Variants in DLGAP2 observed in about 807,000 individuals in gnomAD.
The protein encoded by DLGAP2 is disks large-associated protein 2.
In DLGAP2, 26 loss-of-function variants were observed where a neutral mutation model predicts 100.3. The observed-to-expected ratio is 0.26, with a 90% CI of 0.19 to 0.36. The LOEUF (loss-of-function observed/expected upper bound fraction) is 0.36. DLGAP2 is among the 10% of genes least tolerant of loss of function. The pLI is 1.00. For missense variants in DLGAP2, 1,858 were observed against 1,453.2 expected (o/e 1.28, Z -4.53); for synonymous variants, 886 against 630.1 (o/e 1.41, Z -6.08).
chr8:1,183,931 T>C (rs975165899), intron 2 of DLGAP2, among the ~76,000 whole-genome samples: 1 of 152,228 alleles, frequency 6.6e-6, no homozygotes, highest in Non-Finnish European at 1.5e-5. Context: ...CATTTAATCA[T>C]TGCGTGATTA....
intron 2 of DLGAP2, among the ~76,000 whole-genome samples, chr8:1,213,514 A>G (rs1217964320): frequency 6.6e-6 from 1 of 152,140 alleles, no homozygotes; most frequent in African/African-American, 2.4e-5. Context: ...CTGACTTTAT[A>G]TCACCCGTGT....
intron 3 of DLGAP2, among the ~76,000 whole-genome samples, chr8:1,419,073 C>G (rs1178886539): frequency 1.3e-5 from 2 of 152,260 alleles, no homozygotes; most frequent in Non-Finnish European, 2.9e-5. Flanking sequence ...CACCGCCTCC[C>G]TGTGTTCAGC....
chr8:1,110,222 G>GCT (rs1563197269), intron 2 of DLGAP2, among the ~76,000 whole-genome samples: 20 of 118,416 alleles, frequency 1.7e-4, no homozygotes, highest in Non-Finnish European at 1.8e-4. Context: ...GTGTGCATGG[G>GCT]TCTGTGACGT....
chr8:1,416,880 G>A (rs1255828548), intron 3 of DLGAP2, among the ~76,000 whole-genome samples: 1 of 152,144 alleles, frequency 6.6e-6, no homozygotes, highest in Non-Finnish European at 1.5e-5. Context: ...CCTAAAACCT[G>A]TTCGTGTGAA....
intron 1 of DLGAP2, among the ~76,000 whole-genome samples, chr8:906,962 G>A (rs1798393987): frequency 6.6e-6 from 1 of 152,208 alleles, no homozygotes; most frequent in Non-Finnish European, 1.5e-5. Flanking sequence ...TTGGCGGGGA[G>A]AGGGGGGATG....
intron 12 of DLGAP2, among the ~76,000 whole-genome samples, chr8:1,681,229 TTGATAACAC>T (rs1798935910): frequency 6.6e-6 from 1 of 152,218 alleles, no homozygotes; most frequent in South Asian, 2.1e-4. Context: ...CATTACTGTG[TTGATAACAC>T]AGAGACTACT....
chr8:1,315,899 G>T (rs945342542), intron 3 of DLGAP2, among the ~76,000 whole-genome samples: 2 of 135,612 alleles, frequency 1.5e-5, no homozygotes, highest in African/African-American at 5.3e-5. Context: ...GAGAAACTTG[G>T]CAGCTTTTAA....
intron 5 of DLGAP2, among the ~76,000 whole-genome samples, chr8:1,562,998 C>T (rs1449246142): frequency 4.8e-4 from 26 of 54,716 alleles, no homozygotes; most frequent in South Asian, 3.1e-3. Flanking sequence ...TTGGGGTGTC[C>T]GCGCCTCGTT....
rs541434020 is a variant in DLGAP2 at position 927,413 on chromosome 8, G to A, written c.73+19447G>A. The stretch of plus-strand genomic sequence containing the variant: ...CCCCAAGGCTCTTGGGTCTACCTGA[G>A]CATACGCGGCACACACCAAAGGTCT... On this transcript the variant is annotated intron_variant, in intron 2 of 14. Transcript: ENST00000637795. Among the ~76,000 whole-genome samples the A allele has an allele frequency of 4.6e-5, 7 of 152,296 alleles. No homozygotes were observed. In the East Asian group the frequency reaches 1.4e-3, roughly 29 times the overall value.
chr8:1,484,294 G>C (rs1011296519), intron 3 of DLGAP2, among the ~76,000 whole-genome samples: 3 of 152,156 alleles, frequency 2.0e-5, no homozygotes, highest in African/African-American at 4.8e-5. Flanking sequence ...TGGTCCAACA[G>C]AGTCAATGGC....
chr8:1,602,624 G>C (rs1007757264), intron 6 of DLGAP2, among the ~76,000 whole-genome samples: 3 of 152,206 alleles, frequency 2.0e-5, no homozygotes, highest in Admixed American at 6.5e-5. Context: ...GCTACTCCAG[G>C]CTGACCCTCT....
At chr8:1,081,560 A>G (rs1163302141) in intron 2 of DLGAP2, among the ~76,000 whole-genome samples, 1 of 152,180 alleles carries the variant, frequency 6.6e-6, no homozygotes, top group Non-Finnish European at 1.5e-5. Flanking sequence ...CATGTTGGCC[A>G]GGCTGGTCTT....
chr8:1,302,886 A>C (rs1800393150), intron 3 of DLGAP2, among the ~76,000 whole-genome samples: 1 of 152,212 alleles, frequency 6.6e-6, no homozygotes, highest in African/African-American at 2.4e-5. Flanking sequence ...TACTTTCCAA[A>C]ACGTCTGGCT....
At chr8:1,088,598 C>G (rs1210291666) in intron 2 of DLGAP2, among the ~76,000 whole-genome samples, 1 of 152,146 alleles carries the variant, frequency 6.6e-6, no homozygotes, top group East Asian at 1.9e-4. Flanking sequence ...TCCAGGGTCT[C>G]CGAAAGGCAA....
At chr8:1,050,211 A>G (rs990820205) in intron 2 of DLGAP2, among the ~76,000 whole-genome samples, 6 of 152,230 alleles carry the variant, frequency 3.9e-5, no homozygotes, top group African/African-American at 9.6e-5. Context: ...TATAAATTGT[A>G]AATACCTACA....
At chr8:1,492,069 G>C (rs1368457314) in intron 3 of DLGAP2, among the ~76,000 whole-genome samples, 1 of 152,216 alleles carries the variant, frequency 6.6e-6, no homozygotes, top group Non-Finnish European at 1.5e-5. Context: ...TAGTGACTTT[G>C]AGACTTTCTC....
chr8:1,062,470 T>G (rs1165786869), intron 2 of DLGAP2, among the ~76,000 whole-genome samples: 1 of 151,986 alleles, frequency 6.6e-6, no homozygotes, highest in Non-Finnish European at 1.5e-5. Flanking sequence ...GCAGACGGAG[T>G]GGCAGGAGGC....
chr8:822,133 TTCCCTCGCGGCTGC>T, intron 1 of DLGAP2: 1 of 399,632 alleles, frequency 2.5e-6, no homozygotes, highest in Non-Finnish European at 4.4e-6. Flanking sequence ...CCTGCGCGGC[TTCCCTCGCGGCTGC>T]TAACCCTCTG....
intron 2 of DLGAP2, among the ~76,000 whole-genome samples, chr8:1,153,685 C>T (rs1796734021): frequency 6.6e-6 from 1 of 152,150 alleles, no homozygotes; most frequent in African/African-American, 2.4e-5. Context: ...TTCATCAAAA[C>T]TAGGCTTTTC....
Sources: gnomAD v4.1 joint callset for allele counts (sites outside exome capture counted in the v4.1 genomes callset) on GRCh38, gnomAD v4.1.1 for gene constraint, MANE v1.5 for transcripts, NCBI Gene and HGNC (gene_info 2026-07-23, HGNC 2026-07-21) for gene names.